MYO1D: variants seen among roughly 807,000 people sequenced by gnomAD.
The protein encoded by MYO1D is myosin ID.
Under a neutral mutation model 122.0 loss-of-function variants are expected in MYO1D, and 83 were observed. The ratio of observed to expected loss-of-function variants is 0.68; its 90% CI spans 0.57 to 0.82. The LOEUF (loss-of-function observed/expected upper bound fraction) is 0.82, where lower values mean the gene tolerates loss of function less well. MYO1D is among the 40% of genes least tolerant of loss of function. The probability of loss-of-function intolerance (pLI) is 0.00; values close to 1 mark genes in which losing one functional copy is unlikely to be tolerated. For missense variants in MYO1D, 1,157 were observed against 1,269.5 expected (o/e 0.91, Z 1.35); for synonymous variants, 464 against 446.9 (o/e 1.04, Z -0.48).
intron 21 of MYO1D, among the ~76,000 whole-genome samples, chr17:32,520,591 T>C (rs1176290968): frequency 6.6e-6 from 1 of 152,240 alleles, no homozygotes; most frequent in African/African-American, 2.4e-5. Context: ...GACAGGTTGG[T>C]GTGGGCTGGC....
rs1228555683 is a variant in MYO1D at position 32,839,448 on chromosome 17, T to C, written c.95+37330A>G. On this transcript the variant is annotated intron_variant, in intron 1 of 21. Transcript: ENST00000318217. ...GCCAGAGAATTTAAGTGCTTTTAAA[T>C]TGGGCCAGACTAAGTTAGGAGTAAT... Among the ~76,000 whole-genome samples, 3 of 152,202 alleles carry C rather than the reference T, an allele frequency of 2.0e-5. No individual in the cohort carries two copies. The East Asian group carries it at 5.8e-4, about 29-fold the overall frequency.
At chr17:32,539,798 A>G (rs994751072) in intron 21 of MYO1D, among the ~76,000 whole-genome samples, 3 of 152,204 alleles carry the variant, frequency 2.0e-5, no homozygotes, top group African/African-American at 7.2e-5. Flanking sequence ...GAACATGAAC[A>G]TCTCTTTGGG....
chr17:32,866,174 A>C (rs1314574044), intron 1 of MYO1D, among the ~76,000 whole-genome samples: 1 of 152,112 alleles, frequency 6.6e-6, no homozygotes, highest in Non-Finnish European at 1.5e-5. Context: ...GGGTCATTGC[A>C]CCTGGCTCCT....
At position 32,653,940 on chromosome 17, in the gene MYO1D, T is replaced by A; in HGVS notation, c.2498A>T (p.Asp833Val). ...WEGNYLASKPDTPQTSGTFVP... is the reference protein window; with the variant it reads ...WEGNYLASKPVTPQTSGTFVP... ...AAAAGTGCCTGAGGTCTGAGGTGTA[T>A]CTGGCTTCTGAAAGAGAAAGGAAAC... Residue 833 changes from aspartate (D) to valine (V), a missense_variant, in exon 19 of 22, where the codon GAT (aspartate) becomes GTT (valine). Coordinates refer to ENST00000318217, the MANE Select transcript of MYO1D (RefSeq NM_015194.3). 1 of 1,611,654 alleles carries A rather than the reference T, an allele frequency of 6.2e-7. No homozygotes were observed. The highest frequency in any genetic ancestry group is 8.5e-7 in the Non-Finnish European group (1 of 1,178,940).
At position 32,780,954 on chromosome 17, in the gene MYO1D, C is replaced by T. The variant is rs1221320402; in HGVS notation, c.96-170G>A. ...TGTAGAGAATGTTTGAGGCTGTGCC[C>T]CTTCAGATGCCATTGGTAGAAAAGA... On this transcript the variant is annotated intron_variant, in intron 1 of 21. Transcript: ENST00000318217. 4.6e-5 allele frequency among the ~76,000 whole-genome samples: 7 copies of T among 152,100 alleles called. No individual in the cohort carries two copies. The South Asian group carries it at 6.2e-4, about 14-fold the overall frequency.
intron 1 of MYO1D, among the ~76,000 whole-genome samples, chr17:32,863,331 C>A (rs780526829): frequency 3.2e-4 from 48 of 152,332 alleles, no homozygotes; most frequent in Admixed American, 7.8e-4. Context: ...AAAAATACCT[C>A]TCAGCAGAGA....
At chr17:32,581,291 T>G (rs565933663) in intron 21 of MYO1D, among the ~76,000 whole-genome samples, 127 of 152,282 alleles carry the variant, frequency 8.3e-4, no homozygotes, top group African/African-American at 2.8e-3. Context: ...GATGTCACAT[T>G]TTTCATGTTG....
intron 1 of MYO1D, among the ~76,000 whole-genome samples, chr17:32,828,455 G>A (rs945358541): frequency 7.1e-6 from 1 of 141,170 alleles, no homozygotes; most frequent in Non-Finnish European, 1.5e-5. Flanking sequence ...GGCGGAGCTT[G>A]CAGTGAGCAG....
At chr17:32,553,078 A>AG (rs1491339694) in intron 21 of MYO1D, among the ~76,000 whole-genome samples, 1 of 46,218 alleles carries the variant, frequency 2.2e-5, no homozygotes, top group Admixed American at 2.2e-4. Context: ...TCTCTAAGAC[A>AG]AAAAAAAAAA....
rs550309298 is a variant in MYO1D, at chr17:32,805,702, A to G, written c.96-24918T>C. On this transcript the variant is annotated intron_variant, in intron 1 of 21. Transcript: ENST00000318217. ...AAAAAAATGATAGCTTTAAAAGCTGATGTTTACAGGATAGTCTAACCCTGA... is the reference window on the plus strand; with the variant it reads ...AAAAAAATGATAGCTTTAAAAGCTGGTGTTTACAGGATAGTCTAACCCTGA... Among the ~76,000 whole-genome samples the G allele has an allele frequency of 3.3e-5, 5 of 152,302 alleles. No individual in the cohort carries two copies. The East Asian group carries it at 5.8e-4, about 18-fold the overall frequency.
At chr17:32,543,740 G>A (rs1303075667) in intron 21 of MYO1D, among the ~76,000 whole-genome samples, 1 of 152,090 alleles carries the variant, frequency 6.6e-6, no homozygotes, top group African/African-American at 2.4e-5. Flanking sequence ...GCCCTAAGAG[G>A]TGGCATGCTA....
chr17:32,803,205 G>T (rs2090475376), intron 1 of MYO1D, among the ~76,000 whole-genome samples: 1 of 152,050 alleles, frequency 6.6e-6, no homozygotes, highest in Admixed American at 6.5e-5. Context: ...TGAGTGCAGT[G>T]GCGTGATCTC....
intron 1 of MYO1D, among the ~76,000 whole-genome samples, chr17:32,815,800 T>C (rs2090608365): frequency 1.3e-5 from 2 of 152,236 alleles, no homozygotes; most frequent in Admixed American, 6.5e-5. Flanking sequence ...GATTACCGTC[T>C]CTGCCACACC....
Position 32,755,554 on chromosome 17 carries a change from C to A in MYO1D, c.1405G>T (p.Glu469Ter). ...ACMNVGKVTD[E>*]MFLEALNSKL... ...CTGTTAAGTGCTTCAAGAAACATTT[C>A]ATCGGTGACTTTGCCGACATTCATG... Residue 469 changes from glutamate (E) to a stop codon, truncating the protein, a stop_gained, in exon 11 of 22, where the codon GAA becomes TAA. Transcript: ENST00000318217. LOFTEE classifies it high-confidence loss of function. 1 of 1,613,988 alleles carries A rather than the reference C, an allele frequency of 6.2e-7. No homozygotes were observed. The highest frequency in any genetic ancestry group is 8.5e-7 in the Non-Finnish European group (1 of 1,179,910).
intron 1 of MYO1D, among the ~76,000 whole-genome samples, chr17:32,806,530 G>A (rs565164830): frequency 7.3e-4 from 111 of 152,104 alleles, no homozygotes; most frequent in Non-Finnish European, 1.5e-3. Flanking sequence ...ACGCCCAGCT[G>A]ATCTTTTAAA....
chr17:32,686,966 CACACACACACACA>C (rs1304900656), intron 16 of MYO1D, among the ~76,000 whole-genome samples: 1 of 30,374 alleles, frequency 3.3e-5, no homozygotes, highest in East Asian at 1.0e-3. Context: ...TGTTTCAAAA[CACACACACACACA>C]CACACACACA....
At chr17:32,841,406 G>T (rs2090880079) in intron 1 of MYO1D, among the ~76,000 whole-genome samples, 2 of 151,900 alleles carry the variant, frequency 1.3e-5, no homozygotes, top group Non-Finnish European at 2.9e-5. Context: ...GGTCAAGACT[G>T]CAGTGAGCTA....
In MYO1D at chr17:32,830,421, T is replaced by G. The variant is rs2090760906; in HGVS notation, c.95+46357A>C. The G allele has an allele frequency of 2.0e-5, 3 of 152,310 alleles. No homozygotes were observed. The South Asian group carries it at 6.2e-4, about 32-fold the overall frequency. The allele number at this position is 152,310 out of a possible 1,614,324, so 9.4% of individuals were successfully genotyped here. ...ACAGCATAGTACCCCCAGGAGCTAC[T>G]GTCCTAGATTAAAGTGGGATGACTG... On this transcript the variant is annotated intron_variant, in intron 1 of 21. Coordinates refer to ENST00000318217, the MANE Select transcript of MYO1D (RefSeq NM_015194.3).
intron 21 of MYO1D, among the ~76,000 whole-genome samples, chr17:32,544,651 A>G (rs1278288594): frequency 6.6e-6 from 1 of 152,204 alleles, no homozygotes; most frequent in Non-Finnish European, 1.5e-5. Context: ...TCCTGGGAAA[A>G]TATGCTAGAT....
Sources: gnomAD v4.1 joint callset for allele counts (sites outside exome capture counted in the v4.1 genomes callset) on GRCh38, gnomAD v4.1.1 for gene constraint, MANE v1.5 for transcripts, NCBI Gene and HGNC (gene_info 2026-07-23, HGNC 2026-07-21) for gene names.